ZNF565: variants seen among roughly 807,000 people sequenced by gnomAD.
ZNF565 encodes zinc finger protein 565.
ZNF565 carries 27 observed loss-of-function variants against 39.4 expected under a neutral mutation model. The observed-to-expected ratio is 0.69, with a 90% confidence interval of 0.51 to 0.95. The LOEUF is 0.95. Among genes scored for constraint, ZNF565 ranks in the 40% least tolerant of loss-of-function variants. ZNF565 has a pLI of 0.00. For synonymous variants in ZNF565, 185 were observed against 216.6 expected (o/e 0.85, Z 1.28); for missense variants, 524 against 621.1 (o/e 0.84, Z 1.66).
intron 2 of ZNF565, among the ~76,000 whole-genome samples, chr19:36,198,154 G>C (rs1975832865): frequency 6.6e-6 from 1 of 151,864 alleles, no homozygotes; most frequent in African/African-American, 2.4e-5. Context: ...AGAAAGAAAG[G>C]AAATCAGTAT....
At chr19:36,243,802 A>G (rs935675056) in intron 1 of ZNF565, among the ~76,000 whole-genome samples, 2 of 151,886 alleles carry the variant, frequency 1.3e-5, no homozygotes, top group African/African-American at 2.4e-5. Context: ...CTTGGGCTCA[A>G]GTGATTCTCC....
chr19:36,241,528 C>T (rs546166212), intron 1 of ZNF565, among the ~76,000 whole-genome samples: 5 of 150,352 alleles, frequency 3.3e-5, no homozygotes, highest in East Asian at 3.9e-4. Context: ...CGCAGTGGCT[C>T]ACGCCTGTAA....
upstream of ZNF565, among the ~76,000 whole-genome samples, chr19:36,216,918 G>A (rs540723548): frequency 5.9e-5 from 9 of 151,918 alleles, no homozygotes; most frequent in South Asian, 1.0e-3. Context: ...CAGCTTGGGC[G>A]ACATAGTGAG....
intron 1 of ZNF565, among the ~76,000 whole-genome samples, chr19:36,239,342 T>C (rs10423434): frequency 0.015 from 2,053 of 140,968 alleles, 55 homozygotes; most frequent in African/African-American, 0.052. Context: ...TTTTTTTTTT[T>C]CCCATCTTGC....
chr19:36,194,183 C>A, intron 4 of ZNF565, 50 bp downstream of exon 4: 1 of 1,489,010 alleles, frequency 6.7e-7, no homozygotes, highest in South Asian at 1.2e-5. Context: ...TTACTCCTGT[C>A]AGTCGACTCA....
chr19:36,241,152 T>C (rs1282736986), intron 1 of ZNF565, among the ~76,000 whole-genome samples: 1 of 152,178 alleles, frequency 6.6e-6, no homozygotes. Context: ...GATTTTCAAC[T>C]AGAATGCCAA....
intron 1 of ZNF565, among the ~76,000 whole-genome samples, chr19:36,223,048 A>G (rs1326659768): frequency 6.6e-6 from 1 of 151,948 alleles, no homozygotes; most frequent in Non-Finnish European, 1.5e-5. Context: ...CCCTGGGCCC[A>G]AGCAAGTCTC....
At chr19:36,241,114 C>CA (rs1377983830) in intron 1 of ZNF565, among the ~76,000 whole-genome samples, 1 of 152,190 alleles carries the variant, frequency 6.6e-6, no homozygotes, top group Non-Finnish European at 1.5e-5. Context: ...TATACCAACA[C>CA]AAATCAATTG....
At chr19:36,187,519 G>C (rs574552586) in intron 4 of ZNF565, among the ~76,000 whole-genome samples, 1 of 151,880 alleles carries the variant, frequency 6.6e-6, no homozygotes, top group South Asian at 2.1e-4. Context: ...CCGTCACCAC[G>C]CCTGGCTAAT....
Position 36,183,034 on chromosome 19 carries a change from T to A in ZNF565, c.932A>T (p.Glu311Val). ...HTGARPYECKECGKAFRQHSQ... is the reference protein window; with the variant it reads ...HTGARPYECKVCGKAFRQHSQ... ...GTGCTGTCTAAAGGCTTTCCCGCAT[T>A]CTTTACACTCATAGGGTCTGGCCCC... The change falls in exon 5 of 5, where the codon GAA (glutamate) becomes GTA (valine). Residue 311 changes from glutamate (E) to valine (V), a missense_variant. Physicochemically the swap from Glu to Val is moderately radical, Grantham distance 121. Coordinates refer to ENST00000304116, the MANE Select transcript of ZNF565 (RefSeq NM_152477.5). The A allele has an allele frequency of 6.2e-7, 1 of 1,614,164 alleles. No individual in the cohort carries two copies. Among genetic ancestry groups the A allele is most frequent in the Non-Finnish European group, 8.5e-7 (1 of 1,180,040 alleles).
At chr19:36,237,232 TAAG>T in intron 1 of ZNF565, 1 of 1,614,030 alleles carries the variant, frequency 6.2e-7, no homozygotes, top group Non-Finnish European at 8.5e-7. Flanking sequence ...TACACACAGG[TAAG>T]AAGCCTTATC....
At chr19:36,211,360 T>G (rs1388149531) in intron 1 of ZNF565, among the ~76,000 whole-genome samples, 1 of 143,238 alleles carries the variant, frequency 7.0e-6, no homozygotes, top group African/African-American at 2.6e-5. Flanking sequence ...GGAGAATCGC[T>G]TGAATCCAGG....
In ZNF565 at chr19:36,182,791, T is replaced by G. The variant is rs757526493; in HGVS notation, c.1175A>C (p.Glu392Ala). The change falls in exon 5 of 5, where the codon GAA becomes GCA. Residue 392 changes from glutamate (E) to alanine (A), a missense_variant. Transcript: ENST00000304116. ...AAATGCCTTCCCGCAGTCCTTACAT[T>G]CATAGGGTCTGTCGCCAGTATGGAC... is the stretch of plus-strand genomic sequence containing the variant. ...QRVHTGDRPYECKDCGKAFSR... is the reference protein window; with the variant it reads ...QRVHTGDRPYACKDCGKAFSR... The G allele has an allele frequency of 3.7e-6, 6 of 1,613,988 alleles. No individual in the cohort carries two copies. The Admixed American group carries it at 1.0e-4, about 27-fold the overall frequency.
chr19:36,201,625 G>A (rs532965193), intron 2 of ZNF565, among the ~76,000 whole-genome samples: 1 of 152,090 alleles, frequency 6.6e-6, no homozygotes, highest in East Asian at 1.9e-4. Flanking sequence ...CAGGTGTGTG[G>A]TACCATGCCC....
chr19:36,221,927 C>CTTTTTTTTTT (rs60347994), intron 1 of ZNF565, among the ~76,000 whole-genome samples: 16 of 109,874 alleles, frequency 1.5e-4, no homozygotes, highest in Admixed American at 2.2e-4. Context: ...TTTTTTCTTT[C>CTTTTTTTTTT]TTTTTTTTTT....
chr19:36,205,489 T>C (rs1218582286), intron 1 of ZNF565, among the ~76,000 whole-genome samples: 1 of 151,100 alleles, frequency 6.6e-6, no homozygotes, highest in Non-Finnish European at 1.5e-5. Context: ...GATGGCACCA[T>C]TGCACTCCAG....
chr19:36,229,583 G>C (rs531745052), intron 1 of ZNF565, among the ~76,000 whole-genome samples: 11 of 152,248 alleles, frequency 7.2e-5, no homozygotes, highest in Admixed American at 1.3e-4. Flanking sequence ...GAATAAGCCA[G>C]TATATTATAT....
chr19:36,242,832 A>G (rs1290212897), intron 1 of ZNF565, among the ~76,000 whole-genome samples: 1 of 152,216 alleles, frequency 6.6e-6, no homozygotes, highest in Non-Finnish European at 1.5e-5. Context: ...TTCATAAATC[A>G]TTGTGTAAGT....
At chr19:36,192,559 A>G (rs893268887) in intron 4 of ZNF565, among the ~76,000 whole-genome samples, 15 of 152,006 alleles carry the variant, frequency 9.9e-5, no homozygotes, top group African/African-American at 3.4e-4. Flanking sequence ...TGGCCAACAT[A>G]GTGAAACCCT....
Sources: gnomAD v4.1 joint callset for allele counts (sites outside exome capture counted in the v4.1 genomes callset) on GRCh38, gnomAD v4.1.1 for gene constraint, MANE v1.5 for transcripts, NCBI Gene and HGNC (gene_info 2026-07-23, HGNC 2026-07-21) for gene names.